Variants in ZNF423 observed in about 807,000 individuals in gnomAD.
ZNF423 encodes zinc finger protein 423.
A neutral mutation model predicts 95.8 loss-of-function variants in ZNF423; 12 were observed. The ratio of observed to expected loss-of-function variants is 0.13; its 90% CI spans 0.08 to 0.20. The LOEUF (loss-of-function observed/expected upper bound fraction) is 0.20, where lower values mean the gene tolerates loss of function less well. Among genes scored for constraint, ZNF423 ranks in the 10% least tolerant of loss-of-function variants. The pLI is 1.00. For missense variants in ZNF423, 1,316 were observed against 1,737.1 expected (o/e 0.76, Z 4.31); for synonymous variants, 749 against 711.9 (o/e 1.05, Z -0.83).
rs922179531 is a variant in ZNF423 at position 49,489,789 on chromosome 16, A to T, written c.*1486T>A. The T allele has an allele frequency of 6.6e-6, 1 of 152,384 alleles. No individual in the cohort carries two copies. The allele number at this position is 152,384 out of a possible 1,614,324, so 9.4% of individuals were successfully genotyped here. ...TTAGCAAGGAAGGGTTTCCCCGTGC[A>T]AGTTCTGGCCTCTGATTGGCAAGTC... On this transcript the variant is annotated 3_prime_UTR_variant, in exon 8 of 8. Coordinates refer to ENST00000563137, the MANE Select transcript of ZNF423 (RefSeq NM_001379286.1).
chr16:49,853,054 TAC>T (rs2144130942), intron 1 of ZNF423, among the ~76,000 whole-genome samples: 1 of 152,274 alleles, frequency 6.6e-6, no homozygotes, highest in South Asian at 2.1e-4. Flanking sequence ...AACTACAAAT[TAC>T]AGTCAAGCGA....
intron 5 of ZNF423, among the ~76,000 whole-genome samples, chr16:49,548,942 G>A (rs1485154418): frequency 5.9e-5 from 9 of 152,182 alleles, no homozygotes. Flanking sequence ...TGACCAGGCA[G>A]CTTCCTCTAC....
At chr16:49,529,908 C>A (rs925701925) in intron 5 of ZNF423, among the ~76,000 whole-genome samples, 1 of 152,116 alleles carries the variant, frequency 6.6e-6, no homozygotes, top group Non-Finnish European at 1.5e-5. Flanking sequence ...GCAGGAACCC[C>A]CCTCGGGAAA....
intron 2 of ZNF423, among the ~76,000 whole-genome samples, chr16:49,747,170 C>A (rs1271945575): frequency 6.6e-6 from 1 of 151,676 alleles, no homozygotes; most frequent in Non-Finnish European, 1.5e-5. Flanking sequence ...TTTGTAATAG[C>A]CAAAAAAAAT....
At chr16:49,633,335 C>T (rs1284831699) in intron 4 of ZNF423, among the ~76,000 whole-genome samples, 1 of 152,204 alleles carries the variant, frequency 6.6e-6, no homozygotes. Flanking sequence ...TTAATTTACA[C>T]ATTTAATCCT....
At chr16:49,695,941 C>T (rs1015264407) in intron 3 of ZNF423, among the ~76,000 whole-genome samples, 3 of 152,180 alleles carry the variant, frequency 2.0e-5, no homozygotes, top group African/African-American at 7.2e-5. Flanking sequence ...CTATTATTAT[C>T]CCCATTTTAT....
chr16:49,800,277 TG>T (rs1397612702), intron 1 of ZNF423, among the ~76,000 whole-genome samples: 1 of 151,618 alleles, frequency 6.6e-6, no homozygotes, highest in Non-Finnish European at 1.5e-5. Context: ...TCTGTAGAGA[TG>T]GGGTCTCACT....
At chr16:49,645,744 C>T (rs1596782708) in intron 3 of ZNF423, among the ~76,000 whole-genome samples, 1 of 152,170 alleles carries the variant, frequency 6.6e-6, no homozygotes. Context: ...TGGGAGGGAC[C>T]TGGTGGGAGG....
intron 3 of ZNF423, among the ~76,000 whole-genome samples, chr16:49,697,917 G>A (rs1436840030): frequency 6.6e-6 from 1 of 152,232 alleles, no homozygotes; most frequent in Non-Finnish European, 1.5e-5. Context: ...GGGGGCAGGA[G>A]GATACACGGG....
chr16:49,632,381 AC>A (rs1160931990), intron 4 of ZNF423, among the ~76,000 whole-genome samples: 1 of 152,136 alleles, frequency 6.6e-6, no homozygotes, highest in Non-Finnish European at 1.5e-5. Context: ...GGGTGGGCTA[AC>A]TGACATCTGG....
intron 1 of ZNF423, among the ~76,000 whole-genome samples, chr16:49,831,829 A>T (rs913005792): frequency 6.9e-6 from 1 of 143,886 alleles, no homozygotes; most frequent in East Asian, 2.0e-4. Flanking sequence ...CATCTCTACT[A>T]AAAAAAAAAA....
chr16:49,596,716 C>T (rs1971188890), intron 5 of ZNF423, among the ~76,000 whole-genome samples: 1 of 152,044 alleles, frequency 6.6e-6, no homozygotes, highest in African/African-American at 2.4e-5. Flanking sequence ...TGGCTTTTAT[C>T]TCCCCGTGGC....
At chr16:49,552,974 G>T (rs918068532) in intron 5 of ZNF423, among the ~76,000 whole-genome samples, 39 of 152,114 alleles carry the variant, frequency 2.6e-4, no homozygotes, top group African/African-American at 9.4e-4. Flanking sequence ...AGGAGGCCCA[G>T]GGCAGAGTCA....
chr16:49,639,291 A>G (rs1972887024), intron 3 of ZNF423, among the ~76,000 whole-genome samples: 1 of 152,000 alleles, frequency 6.6e-6, no homozygotes, highest in African/African-American at 2.4e-5. Context: ...CTGGGAGTCA[A>G]CTCCCCTCAA....
intron 5 of ZNF423, among the ~76,000 whole-genome samples, chr16:49,616,945 G>T (rs1596722346): frequency 6.6e-6 from 1 of 152,354 alleles, no homozygotes; most frequent in East Asian, 1.9e-4. Flanking sequence ...CAGGCAGTGT[G>T]CTGGGACCTT....
intron 3 of ZNF423, among the ~76,000 whole-genome samples, chr16:49,698,845 A>G (rs190753158): frequency 1.3e-5 from 2 of 152,354 alleles, no homozygotes; most frequent in East Asian, 3.9e-4. Context: ...AAGAAAGAAC[A>G]AAACCACAAA....
intron 1 of ZNF423, among the ~76,000 whole-genome samples, chr16:49,815,881 AATATATAT>A (rs1169322824): frequency 5.5e-4 from 26 of 47,594 alleles, no homozygotes; most frequent in Admixed American, 9.8e-4. Context: ...AAAAAAAAAA[AATATATAT>A]ATATATATAT....
chr16:49,624,308 CG>C (rs1972184778), intron 5 of ZNF423, among the ~76,000 whole-genome samples: 1 of 152,034 alleles, frequency 6.6e-6, no homozygotes, highest in Non-Finnish European at 1.5e-5. Context: ...CCCAGAAATT[CG>C]GGAGGCTGAG....
chr16:49,545,451 C>T (rs1400759045), intron 5 of ZNF423, among the ~76,000 whole-genome samples: 2 of 152,104 alleles, frequency 1.3e-5, no homozygotes, highest in Non-Finnish European at 2.9e-5. Flanking sequence ...TGCCACATGA[C>T]CATGCCACCC....
Sources: gnomAD v4.1 joint callset for allele counts (sites outside exome capture counted in the v4.1 genomes callset) on GRCh38, gnomAD v4.1.1 for gene constraint, MANE v1.5 for transcripts, NCBI Gene and HGNC (gene_info 2026-07-23, HGNC 2026-07-21) for gene names.